Variants in EXOC6B observed in about 807,000 individuals in gnomAD.
EXOC6B encodes the protein SEC15 homolog B.
In EXOC6B, 54 loss-of-function variants were observed where a neutral mutation model predicts 113.5. The ratio of observed to expected loss-of-function variants is 0.48; its 90% CI spans 0.38 to 0.60. The LOEUF (loss-of-function observed/expected upper bound fraction) is 0.60, where lower values mean the gene tolerates loss of function less well. EXOC6B is among the 20% of genes least tolerant of loss of function. The pLI, the probability that EXOC6B is intolerant of heterozygous loss-of-function variation, is 0.00. For missense variants in EXOC6B, 797 were observed against 977.5 expected (o/e 0.82, Z 2.46); for synonymous variants, 357 against 339.0 (o/e 1.05, Z -0.58).
At chr2:72,402,999 A>T (rs926599919) in intron 18 of EXOC6B, among the ~76,000 whole-genome samples, 1 of 152,232 alleles carries the variant, frequency 6.6e-6, no homozygotes, top group Non-Finnish European at 1.5e-5. Context: ...CCAAAAAACC[A>T]AAAACAACAA....
At position 72,804,384 on chromosome 2, in the gene EXOC6B, G is replaced by C. The variant is rs146563218; in HGVS notation, c.113+21414C>G. Among the ~76,000 whole-genome samples, 848 of 152,158 alleles carry C rather than the reference G, an allele frequency of 5.6e-3. 7 individuals carry two copies. Among genetic ancestry groups the C allele is most frequent in the African/African-American group, 0.02 (819 of 41,522 alleles). ...TTCCTAGAGCGCATAGGAAAATGAC[G>C]GATCTGCTTATTAGTAAATCATTAT... is the stretch of plus-strand genomic sequence containing the variant. On this transcript the variant is annotated intron_variant, in intron 1 of 21. Transcript: ENST00000272427.
chr2:72,370,050 G>A (rs1159999926), intron 19 of EXOC6B, among the ~76,000 whole-genome samples: 5 of 151,980 alleles, frequency 3.3e-5, no homozygotes, highest in African/African-American at 9.7e-5. Flanking sequence ...ACAGCAAAAG[G>A]AACTAACATC....
rs1037044529 is a variant in EXOC6B, at chr2:72,744,930, C to A, written c.114-3461G>T. On this transcript the variant is annotated intron_variant, in intron 1 of 21. Coordinates refer to ENST00000272427, the MANE Select transcript of EXOC6B (RefSeq NM_015189.3). ...GGATTTTAGCTGCCTGACTATGTGG[C>A]CTTCATCTTAGCACTGTAATTAGCT... is the stretch of plus-strand genomic sequence containing the variant. 2.6e-5 allele frequency among the ~76,000 whole-genome samples: 4 copies of A among 152,242 alleles called. No individual in the cohort carries two copies. In the East Asian group the frequency reaches 7.7e-4, roughly 29 times the overall value.
At chr2:72,527,003 C>T (rs534005448) in intron 8 of EXOC6B, among the ~76,000 whole-genome samples, 93 of 152,044 alleles carry the variant, frequency 6.1e-4, no homozygotes, top group African/African-American at 2.1e-3. Context: ...AATCAAGACG[C>T]ACATTTCCAG....
At chr2:72,192,292 A>C (rs976897707) in intron 20 of EXOC6B, among the ~76,000 whole-genome samples, 15 of 152,202 alleles carry the variant, frequency 9.9e-5, no homozygotes, top group African/African-American at 3.6e-4. Context: ...TAGCAATGAT[A>C]CTGGCCAGAT....
chr2:72,686,861 C>T (rs2104570477), intron 6 of EXOC6B, among the ~76,000 whole-genome samples: 1 of 152,172 alleles, frequency 6.6e-6, no homozygotes, highest in Non-Finnish European at 1.5e-5. Context: ...TTCGCTTCAG[C>T]TGGGCGGTGG....
At chr2:72,181,208 CA>C (rs397936010) in intron 21 of EXOC6B, among the ~76,000 whole-genome samples, 153 of 121,652 alleles carry the variant, frequency 1.3e-3, no homozygotes, top group Middle Eastern at 4.8e-3. Context: ...GACTCCGTCT[CA>C]AAAAAAAAAA....
At chr2:72,338,543 T>C (rs1478708452) in intron 19 of EXOC6B, among the ~76,000 whole-genome samples, 1 of 152,178 alleles carries the variant, frequency 6.6e-6, no homozygotes, top group Admixed American at 6.5e-5. Context: ...AGCTACAGCA[T>C]AGCAATTTTC....
At chr2:72,422,965 G>A (rs775380802) in intron 18 of EXOC6B, among the ~76,000 whole-genome samples, 2 of 152,080 alleles carry the variant, frequency 1.3e-5, no homozygotes, top group Non-Finnish European at 2.9e-5. Context: ...CAGGCTGCCC[G>A]AGCCAGCATT....
At chr2:72,413,275 CTT>C (rs1375652457) in intron 18 of EXOC6B, among the ~76,000 whole-genome samples, 1 of 151,346 alleles carries the variant, frequency 6.6e-6, no homozygotes. Context: ...AGTCCTTAAA[CTT>C]TAGCATACAC....
chr2:72,220,675 A>C (rs1573023377), intron 20 of EXOC6B, among the ~76,000 whole-genome samples: 1 of 152,166 alleles, frequency 6.6e-6, no homozygotes, highest in South Asian at 2.1e-4. Flanking sequence ...ATCATATCAA[A>C]GAAAATATTT....
chr2:72,398,379 G>A (rs921144275), intron 18 of EXOC6B, among the ~76,000 whole-genome samples: 19 of 152,176 alleles, frequency 1.2e-4, no homozygotes, highest in Middle Eastern at 3.4e-3. Context: ...TGACTCACCT[G>A]GCTCTCCAGA....
intron 18 of EXOC6B, chr2:72,463,881 T>A (rs1697867372): frequency 6.6e-6 from 1 of 152,202 alleles, no homozygotes; most frequent in African/African-American, 2.4e-5. Context: ...CATCAAGGTA[T>A]CAGCAGATTC....
At chr2:72,641,612 A>G (rs1673242598) in intron 6 of EXOC6B, among the ~76,000 whole-genome samples, 1 of 152,232 alleles carries the variant, frequency 6.6e-6, no homozygotes, top group South Asian at 2.1e-4. Context: ...TGCTGTGTGT[A>G]TAGACCCCAC....
At chr2:72,423,155 G>A (rs568566182) in intron 18 of EXOC6B, among the ~76,000 whole-genome samples, 5 of 151,636 alleles carry the variant, frequency 3.3e-5, no homozygotes, top group Admixed American at 6.6e-5. Flanking sequence ...CGGGAGGAAC[G>A]AACAACTCCA....
At chr2:72,546,877 T>C (rs1702938014) in intron 8 of EXOC6B, among the ~76,000 whole-genome samples, 1 of 152,230 alleles carries the variant, frequency 6.6e-6, no homozygotes, top group South Asian at 2.1e-4. Context: ...ATGAGGCTTA[T>C]ACAAGGAGAT....
In EXOC6B at chr2:72,398,637, C is replaced by T. The variant is rs539262085; in HGVS notation, c.1981-18767G>A. On this transcript the variant is annotated intron_variant, in intron 18 of 21. Coordinates refer to ENST00000272427, the MANE Select transcript of EXOC6B (RefSeq NM_015189.3). ...GCTTGAACCCAGGAGGCAGAGGTGGCAGTGAGCCAAGATCGCGACACTGCA... is the reference window on the plus strand; with the variant it reads ...GCTTGAACCCAGGAGGCAGAGGTGGTAGTGAGCCAAGATCGCGACACTGCA... 8.2e-4 allele frequency among the ~76,000 whole-genome samples: 123 copies of T among 149,940 alleles called. 1 individual carries two copies. The highest frequency in any genetic ancestry group is 3.0e-3 in the African/African-American group (121 of 40,612).
chr2:72,468,947 TA>T (rs1394358509), intron 17 of EXOC6B, among the ~76,000 whole-genome samples: 3 of 152,178 alleles, frequency 2.0e-5, no homozygotes, highest in Admixed American at 1.3e-4. Flanking sequence ...TAATAGGCTT[TA>T]TTTTTTAGTG....
intron 18 of EXOC6B, among the ~76,000 whole-genome samples, chr2:72,403,947 T>C (rs927724717): frequency 6.6e-6 from 1 of 152,082 alleles, no homozygotes; most frequent in African/African-American, 2.4e-5. Context: ...GGTCAGGGAA[T>C]TCCCTTTCCC....
Sources: gnomAD v4.1 joint callset for allele counts (sites outside exome capture counted in the v4.1 genomes callset) on GRCh38, gnomAD v4.1.1 for gene constraint, MANE v1.5 for transcripts, NCBI Gene and HGNC (gene_info 2026-07-23, HGNC 2026-07-21) for gene names.